Variants in DLG2 observed in about 807,000 individuals in gnomAD.
DLG2 encodes disks large homolog 2.
DLG2 carries 45 observed loss-of-function variants against 132.5 expected under a neutral mutation model. The observed-to-expected ratio is 0.34, with a 90% confidence interval of 0.27 to 0.44. The LOEUF is 0.44. Ranked by LOEUF, DLG2 falls within the 20% of genes least tolerant of loss-of-function variation. The pLI is 1.00. For synonymous variants in DLG2, 424 were observed against 419.6 expected (o/e 1.01, Z -0.13); for missense variants, 1,045 against 1,196.9 (o/e 0.87, Z 1.87).
chr11:85,339,847 T>G (rs979629621), intron 3 of DLG2, among the ~76,000 whole-genome samples: 2 of 152,130 alleles, frequency 1.3e-5, no homozygotes, highest in African/African-American at 4.8e-5. Context: ...CAGACACTTC[T>G]CAAAAGAAGA....
intron 6 of DLG2, among the ~76,000 whole-genome samples, chr11:84,637,574 C>T (rs1180104270): frequency 6.6e-6 from 1 of 152,172 alleles, no homozygotes; most frequent in Non-Finnish European, 1.5e-5. Context: ...AAAACTGCAG[C>T]TGCTTGGGAT....
At chr11:83,895,412 G>A (rs369612686) in intron 15 of DLG2, among the ~76,000 whole-genome samples, 4 of 151,998 alleles carry the variant, frequency 2.6e-5, no homozygotes, top group African/African-American at 4.8e-5. Flanking sequence ...CGCCCGCCTC[G>A]GCTTTCCAAA....
At chr11:83,802,816 T>A (rs768770740) in intron 17 of DLG2, among the ~76,000 whole-genome samples, 6 of 152,056 alleles carry the variant, frequency 3.9e-5, no homozygotes, top group Non-Finnish European at 8.8e-5. Flanking sequence ...GGATGAATGA[T>A]CTTATAGAGA....
At chr11:84,012,042 G>T (rs1206861054) in intron 11 of DLG2, among the ~76,000 whole-genome samples, 1 of 151,932 alleles carries the variant, frequency 6.6e-6, no homozygotes, top group African/African-American at 2.4e-5. Flanking sequence ...ATCCAAAATG[G>T]GATATTCTCT....
intron 7 of DLG2, among the ~76,000 whole-genome samples, chr11:84,434,373 G>C (rs1052337119): frequency 1.3e-5 from 2 of 152,072 alleles, no homozygotes; most frequent in Admixed American, 6.6e-5. Context: ...ACCTTATTCA[G>C]ACAAGACAGA....
At position 84,364,696 on chromosome 11, in the gene DLG2, A is replaced by T. The variant is rs551068393; in HGVS notation, c.520-113405T>A. Among the ~76,000 whole-genome samples, 9 of 152,190 alleles carry T rather than the reference A, an allele frequency of 5.9e-5. No homozygotes were observed. The East Asian group carries it at 1.7e-3, about 29-fold the overall frequency. ...TTGAGATACGTCCCATCAATACCAA[A>T]TTTATTGAGAGTTTTTAGCATGAAG... On this transcript the variant is annotated intron_variant, in intron 7 of 27. Coordinates refer to ENST00000376104, the MANE Select transcript of DLG2 (RefSeq NM_001142699.3).
chr11:85,532,635 G>T (rs2075285409), intron 3 of DLG2, among the ~76,000 whole-genome samples: 1 of 152,286 alleles, frequency 6.6e-6, no homozygotes, highest in East Asian at 1.9e-4. Flanking sequence ...ATTTGGATGG[G>T]CAGTGCTGTC....
At chr11:84,634,142 T>G (rs1192596850) in intron 6 of DLG2, among the ~76,000 whole-genome samples, 1 of 152,144 alleles carries the variant, frequency 6.6e-6, no homozygotes, top group Non-Finnish European at 1.5e-5. Context: ...GGTTGAGAAA[T>G]CTGGATTTGA....
At chr11:83,631,390 G>T (rs910410308) in intron 19 of DLG2, 2 of 151,836 alleles carry the variant, frequency 1.3e-5, no homozygotes, top group Non-Finnish European at 2.9e-5. Flanking sequence ...TACCATATTT[G>T]TATATTACAG....
At chr11:85,427,424 T>A (rs949159893) in intron 3 of DLG2, among the ~76,000 whole-genome samples, 14 of 152,196 alleles carry the variant, frequency 9.2e-5, no homozygotes, top group African/African-American at 3.4e-4. Flanking sequence ...TAACAGCTGA[T>A]CTCTTGGCAG....
chr11:84,683,842 A>G (rs1414202250), intron 6 of DLG2, among the ~76,000 whole-genome samples: 1 of 152,202 alleles, frequency 6.6e-6, no homozygotes, highest in Non-Finnish European at 1.5e-5. Flanking sequence ...CTTAATGCAA[A>G]TAAGAAAGCT....
At chr11:85,343,522 C>T (rs536952677) in intron 3 of DLG2, among the ~76,000 whole-genome samples, 1 of 152,108 alleles carries the variant, frequency 6.6e-6, no homozygotes, top group East Asian at 1.9e-4. Flanking sequence ...ATTGAATAAA[C>T]CTGTGAAAGA....
At chr11:85,608,090 G>A (rs2080720502) in intron 2 of DLG2, among the ~76,000 whole-genome samples, 1 of 152,174 alleles carries the variant, frequency 6.6e-6, no homozygotes, top group South Asian at 2.1e-4. Context: ...TGGTCTAGGA[G>A]GAAAACTAGT....
rs147298512 is a variant in DLG2 at position 84,535,051 on chromosome 11, C to G, written c.358-320G>C. On this transcript the variant is annotated intron_variant, in intron 6 of 27. Transcript: ENST00000376104. ...TTTATTCAAGTAAGTGAGGAGGTAA[C>G]CCTCCTGACCAGAGTAGCTAAGTAT... Among the ~76,000 whole-genome samples, 61 of 152,254 alleles carry G rather than the reference C, an allele frequency of 4.0e-4. No individual in the cohort carries two copies. In the East Asian group the frequency reaches 9.8e-3, roughly 25 times the overall value.
rs188931650 is a variant in DLG2 at position 83,878,894 on chromosome 11, C to A, written c.1497-4406G>T. On this transcript the variant is annotated intron_variant, in intron 15 of 27. Transcript: ENST00000376104. ...AACTGTGGAGATAAATATTACTAAG[C>A]CTTTTTAAGATTCAAAGAGAGGTAT... Among the ~76,000 whole-genome samples the A allele has an allele frequency of 5.3e-3, 814 of 152,230 alleles. 4 individuals are homozygous for A. The highest frequency in any genetic ancestry group is 0.01 in the Middle Eastern group (3 of 294).
chr11:84,852,807 T>G (rs1168755245), intron 6 of DLG2, among the ~76,000 whole-genome samples: 1 of 151,854 alleles, frequency 6.6e-6, no homozygotes, highest in Non-Finnish European at 1.5e-5. Flanking sequence ...TCTGGTAGCT[T>G]TTAAGGAGAA....
chr11:83,872,791 G>A (rs1023217529), intron 16 of DLG2, among the ~76,000 whole-genome samples: 1 of 152,206 alleles, frequency 6.6e-6, no homozygotes, highest in African/African-American at 2.4e-5. Flanking sequence ...TGGCCAAAAT[G>A]TGAAATGATA....
At chr11:84,055,062 T>C (rs1489788964) in intron 11 of DLG2, among the ~76,000 whole-genome samples, 1 of 152,016 alleles carries the variant, frequency 6.6e-6, no homozygotes, top group Non-Finnish European at 1.5e-5. Context: ...GAAAAATCAA[T>C]ATGTTAATTT....
chr11:85,174,467 G>T (rs992988155), intron 4 of DLG2, among the ~76,000 whole-genome samples: 1 of 152,128 alleles, frequency 6.6e-6, no homozygotes, highest in African/African-American at 2.4e-5. Context: ...AACTAAAGCA[G>T]TGTTAAAAGG....
Sources: gnomAD v4.1 joint callset for allele counts (sites outside exome capture counted in the v4.1 genomes callset) on GRCh38, gnomAD v4.1.1 for gene constraint, MANE v1.5 for transcripts, NCBI Gene and HGNC (gene_info 2026-07-23, HGNC 2026-07-21) for gene names.